RCOR2: variants seen among roughly 807,000 people sequenced by gnomAD.
The protein encoded by RCOR2 is REST corepressor 2.
A neutral mutation model predicts 58.9 loss-of-function variants in RCOR2; 19 were observed. That is an observed-to-expected ratio of 0.32 (90% CI 0.23 to 0.47). RCOR2 has a LOEUF of 0.47. Among genes scored for constraint, RCOR2 ranks in the 20% least tolerant of loss-of-function variants. The probability of loss-of-function intolerance (pLI) is 1.00; values close to 1 mark genes in which losing one functional copy is unlikely to be tolerated. For missense variants in RCOR2, 590 were observed against 707.9 expected, an observed-to-expected ratio of 0.83 and a Z score of 1.89; for synonymous variants, 286 against 278.7, an observed-to-expected ratio of 1.03 and a Z score of -0.26.
At chr11:63,913,663 A>C (rs1375877099) in intron 8 of RCOR2, among the ~76,000 whole-genome samples, 1 of 151,986 alleles carries the variant, frequency 6.6e-6, no homozygotes, top group African/African-American at 2.4e-5. Context: ...TTGTATTTTT[A>C]GTAGAGACAG....
chr11:63,912,192 G>C lies in RCOR2; in HGVS notation c.1258-13C>G. 1 of 1,575,534 alleles carries C rather than the reference G, an allele frequency of 6.3e-7. No individual in the cohort carries two copies. The highest frequency in any genetic ancestry group is 8.6e-7 in the Non-Finnish European group (1 of 1,161,684). ...ATGTAATCTGGACCTGAGGGGAGAG[G>C]AAAGAGTGAGAAGCCAGGCTCTTCC... On this transcript the variant is annotated splice_polypyrimidine_tract_variant and intron_variant, in intron 11 of 11. Transcript: ENST00000301459.
rs1156311779 is a variant in RCOR2, at chr11:63,915,543, C to T, written c.184+12G>A. The T allele has an allele frequency of 1.9e-6, 3 of 1,556,092 alleles. No homozygotes were observed. The highest frequency in any genetic ancestry group is 2.6e-6 in the Non-Finnish European group (3 of 1,149,142). On this transcript the variant is annotated intron_variant, in intron 2 of 11. Coordinates refer to ENST00000301459, the MANE Select transcript of RCOR2 (RefSeq NM_173587.4). ...ACCCCCACCCCACTTCACAGCCTGTCCTGCGGCTCACCAGGCTTGCACTCC... is the reference window on the plus strand; with the variant it reads ...ACCCCCACCCCACTTCACAGCCTGTTCTGCGGCTCACCAGGCTTGCACTCC...
chr11:63,913,162 T>TTATATATA (rs1204145215), intron 8 of RCOR2, among the ~76,000 whole-genome samples: 1 of 68,226 alleles, frequency 1.5e-5, no homozygotes, highest in African/African-American at 4.8e-5. Context: ...TTTTTATTTT[T>TTATATATA]TATATATATA....
intron 10 of RCOR2, 46 bp downstream of exon 10, chr11:63,912,630 G>T (rs1169377295): frequency 6.2e-7 from 1 of 1,605,662 alleles, no homozygotes. Flanking sequence ...GGAGGGTGGG[G>T]AGATAGATTC....
chr11:63,912,612 C>T lies in RCOR2; in HGVS notation c.1027+64G>A, dbSNP rs530175908. 31 of 1,597,966 alleles carry T rather than the reference C, an allele frequency of 1.9e-5. 1 individual carries two copies. In the East Asian group the frequency reaches 4.9e-4, roughly 25 times the overall value. Reference sequence around the variant, plus strand: ...CCCTGACCCTTCCCCTCTGCCCCCCCACTCCTTGGAGGGTGGGGAGATAGA... The same window carrying T: ...CCCTGACCCTTCCCCTCTGCCCCCCTACTCCTTGGAGGGTGGGGAGATAGA... On this transcript the variant is annotated intron_variant, in intron 10 of 11. Coordinates refer to ENST00000301459, the MANE Select transcript of RCOR2 (RefSeq NM_173587.4).
At chr11:63,927,279 G>T in the RCOR2 span, among the ~76,000 whole-genome samples, 1 of 149,998 alleles carries the variant, frequency 6.7e-6, no homozygotes, top group African/African-American at 2.5e-5. Context: ...TTGTTTTTTT[G>T]TGTTTTTTTG....
At chr11:63,919,639 C>T (rs1475859112), upstream of RCOR2, among the ~76,000 whole-genome samples, 1 of 152,230 alleles carries the variant, frequency 6.6e-6, no homozygotes, top group Non-Finnish European at 1.5e-5. Context: ...CCCCTCCTCT[C>T]CTGCAGCCTG....
upstream of RCOR2, among the ~76,000 whole-genome samples, chr11:63,920,956 G>A (rs574558267): frequency 3.9e-5 from 6 of 152,292 alleles, no homozygotes; most frequent in South Asian, 4.1e-4. Context: ...GCAATCTGGC[G>A]CTTGGCACCA....
chr11:63,915,790 TGGAAGA>T (rs1449795034), intron 1 of RCOR2, among the ~76,000 whole-genome samples, 179 bp from the exon 2 acceptor site: 2 of 152,172 alleles, frequency 1.3e-5, no homozygotes, highest in Admixed American at 6.5e-5. Context: ...CAGAAGGGAC[TGGAAGA>T]GGAAAAGACC....
At chr11:63,921,389 G>A (rs1407132581), upstream of RCOR2, among the ~76,000 whole-genome samples, 2 of 152,178 alleles carry the variant, frequency 1.3e-5, no homozygotes, top group African/African-American at 2.4e-5. Flanking sequence ...GAAGTGCCTG[G>A]ATCATGGTCC....
rs1277176712 is a variant in RCOR2, at chr11:63,914,408, T to C, written c.605+9A>G. Reference sequence around the variant, plus strand: ...TACCCCCATGCCCAGTGCTTGCTCCTGCCCCCACCTGTCTTCTTTGTCCTT... The same window carrying C: ...TACCCCCATGCCCAGTGCTTGCTCCCGCCCCCACCTGTCTTCTTTGTCCTT... On this transcript the variant is annotated intron_variant, in intron 6 of 11. Transcript: ENST00000301459. 6.2e-7 allele frequency: 1 copy of C among 1,613,378 alleles called. No homozygotes were observed. Among genetic ancestry groups the C allele is most frequent in the South Asian group, 1.1e-5 (1 of 91,080 alleles).
chr11:63,922,361 AT>A, the RCOR2 span, among the ~76,000 whole-genome samples: 22 of 151,848 alleles, frequency 1.4e-4, no homozygotes, highest in Admixed American at 1.3e-3. Context: ...TAATACAAAT[AT>A]TTTTTTTCTA....
At chr11:63,923,725 G>A in the RCOR2 span, among the ~76,000 whole-genome samples, 3 of 152,042 alleles carry the variant, frequency 2.0e-5, no homozygotes, top group South Asian at 2.1e-4. Context: ...CGTGGGCTGT[G>A]GATAGCCCCC....
At chr11:63,921,940 T>C (rs1941917741), upstream of RCOR2, among the ~76,000 whole-genome samples, 1 of 152,244 alleles carries the variant, frequency 6.6e-6, no homozygotes, top group Admixed American at 6.5e-5. Context: ...TAATCCCTAC[T>C]ACAACAGTGT....
the RCOR2 span, among the ~76,000 whole-genome samples, chr11:63,927,455 G>A: frequency 1.3e-5 from 2 of 151,934 alleles, no homozygotes; most frequent in Non-Finnish European, 2.9e-5. Context: ...TTTTTATAGA[G>A]ACGGGGTCTT....
intron 11 of RCOR2, 32 bp from the exon 12 acceptor site, chr11:63,912,211 C>T: frequency 6.3e-7 from 1 of 1,593,462 alleles, no homozygotes; most frequent in Non-Finnish European, 8.5e-7. Context: ...AGAAGCCAGG[C>T]TCTTCCCGCC....
In RCOR2 at chr11:63,911,668, C is replaced by G; in HGVS notation, c.*197G>C. ...CCAGCTCAAAGGCCCCTGAGCCCGGCCATGGCCCCAGGAGACAGGCCCAGC... is the reference window on the plus strand; with the variant it reads ...CCAGCTCAAAGGCCCCTGAGCCCGGGCATGGCCCCAGGAGACAGGCCCAGC... On this transcript the variant is annotated 3_prime_UTR_variant, in exon 12 of 12. Coordinates refer to ENST00000301459, the MANE Select transcript of RCOR2 (RefSeq NM_173587.4). The G allele has an allele frequency of 1.2e-6, 1 of 864,554 alleles. No individual in the cohort carries two copies. The highest frequency in any genetic ancestry group is 1.6e-6 in the Non-Finnish European group (1 of 622,540). The allele number at this position is 864,554 out of a possible 1,614,324, so 53.6% of individuals were successfully genotyped here.
At chr11:63,924,855 A>ATTT in the RCOR2 span, among the ~76,000 whole-genome samples, 121 of 143,730 alleles carry the variant, frequency 8.4e-4, 6 homozygotes, top group Non-Finnish European at 1.1e-3. Context: ...AGCCAAGGTG[A>ATTT]TTTTTTTTTT....
the RCOR2 span, among the ~76,000 whole-genome samples, chr11:63,922,910 C>T: frequency 6.6e-6 from 1 of 152,136 alleles, no homozygotes; most frequent in South Asian, 2.1e-4. Flanking sequence ...CTCAGGGCTG[C>T]TGGGTGCTCT....
Sources: gnomAD v4.1 joint callset for allele counts (sites outside exome capture counted in the v4.1 genomes callset) on GRCh38, gnomAD v4.1.1 for gene constraint, MANE v1.5 for transcripts, NCBI Gene and HGNC (gene_info 2026-07-23, HGNC 2026-07-21) for gene names.